The following VTI1A variants were observed in gnomAD, a reference collection of about 807,000 sequenced individuals.
VTI1A encodes vesicle transport through interaction with t-SNAREs 1A.
Under a neutral mutation model 34.9 loss-of-function variants are expected in VTI1A, and 22 were observed. The observed-to-expected ratio is 0.63, with a 90% CI of 0.45 to 0.90. VTI1A has a LOEUF of 0.90. Ranked by LOEUF, VTI1A falls within the 40% of genes least tolerant of loss-of-function variation. VTI1A has a pLI of 0.00. For synonymous variants in VTI1A, 87 were observed against 97.3 expected (o/e 0.89, Z 0.62); for missense variants, 268 against 275.6 (o/e 0.97, Z 0.20).
intron 5 of VTI1A, among the ~76,000 whole-genome samples, chr10:112,572,787 C>T (rs1445707446): frequency 6.6e-6 from 1 of 150,708 alleles, no homozygotes; most frequent in Middle Eastern, 3.4e-3. Context: ...TGCAGTGAGC[C>T]GAGATCGCGC....
intron 7 of VTI1A, among the ~76,000 whole-genome samples, chr10:112,753,708 T>A (rs1287083777): frequency 6.6e-6 from 1 of 152,112 alleles, no homozygotes; most frequent in Admixed American, 6.5e-5. Context: ...CCACCCAGAG[T>A]TGAAGTCGCC....
At chr10:112,495,687 G>A (rs549363176) in intron 3 of VTI1A, among the ~76,000 whole-genome samples, 22 of 152,188 alleles carry the variant, frequency 1.4e-4, no homozygotes, top group African/African-American at 4.3e-4. Context: ...CAATTTTGAC[G>A]TCAGCATATA....
intron 7 of VTI1A, among the ~76,000 whole-genome samples, chr10:112,680,767 TC>T (rs1489541000): frequency 6.6e-6 from 1 of 152,154 alleles, no homozygotes; most frequent in Non-Finnish European, 1.5e-5. Flanking sequence ...AGATAAGACT[TC>T]ACAGAGGAGA....
At chr10:112,849,962 G>C in the VTI1A span, among the ~76,000 whole-genome samples, 2 of 152,130 alleles carry the variant, frequency 1.3e-5, no homozygotes, top group African/African-American at 4.8e-5. Context: ...AAGGCGTCCC[G>C]GCCCTCACCC....
In VTI1A at chr10:112,544,790, G is replaced by A. The variant is rs369152701; in HGVS notation, c.427+6460G>A. On this transcript the variant is annotated intron_variant, in intron 5 of 7. Coordinates refer to ENST00000393077, the MANE Select transcript of VTI1A (RefSeq NM_145206.4). ...AGGGAAGAGCAAGCACAAAGGCTCT[G>A]GAATGAGAATGTGCTCAGGATGTTC... Among the ~76,000 whole-genome samples, 103 of 152,290 alleles carry A rather than the reference G, an allele frequency of 6.8e-4. 1 individual carries two copies. The South Asian group carries it at 0.017, about 26-fold the overall frequency.
At chr10:112,757,909 T>G (rs541266535) in intron 7 of VTI1A, among the ~76,000 whole-genome samples, 1 of 152,356 alleles carries the variant, frequency 6.6e-6, no homozygotes, top group South Asian at 2.1e-4. Context: ...CTTGACAGCA[T>G]GTGAACATTT....
At chr10:112,852,748 A>G in the VTI1A span, among the ~76,000 whole-genome samples, 3 of 152,122 alleles carry the variant, frequency 2.0e-5, no homozygotes, top group Non-Finnish European at 4.4e-5. Context: ...CAGTCTGGAT[A>G]GGACTGTCTT....
chr10:112,779,293 T>G (rs554783452), intron 7 of VTI1A, among the ~76,000 whole-genome samples: 1 of 152,208 alleles, frequency 6.6e-6, no homozygotes, highest in Non-Finnish European at 1.5e-5. Context: ...ATGTATTTAC[T>G]AGACGCTAAG....
intron 5 of VTI1A, among the ~76,000 whole-genome samples, chr10:112,539,522 C>T (rs1201540231): frequency 6.6e-6 from 1 of 152,076 alleles, no homozygotes; most frequent in East Asian, 1.9e-4. Context: ...GGCTTTCTGC[C>T]CGGATTGGAA....
At chr10:112,545,156 G>T (rs1345276636) in intron 5 of VTI1A, among the ~76,000 whole-genome samples, 2 of 152,138 alleles carry the variant, frequency 1.3e-5, no homozygotes, top group Non-Finnish European at 2.9e-5. Context: ...ATTATAAGCT[G>T]GCTTAAAAGG....
At chr10:112,834,739 C>G in the VTI1A span, among the ~76,000 whole-genome samples, 1 of 152,214 alleles carries the variant, frequency 6.6e-6, no homozygotes, top group Non-Finnish European at 1.5e-5. Flanking sequence ...GCTCCCCTGG[C>G]TCTCTGAGGC....
chr10:112,649,981 A>G (rs912561168), intron 5 of VTI1A, among the ~76,000 whole-genome samples: 1 of 152,260 alleles, frequency 6.6e-6, no homozygotes, highest in Non-Finnish European at 1.5e-5. Flanking sequence ...CGAGGATATC[A>G]GTGTACACTA....
At chr10:112,713,210 G>A (rs1201028137) in intron 7 of VTI1A, among the ~76,000 whole-genome samples, 2 of 152,058 alleles carry the variant, frequency 1.3e-5, no homozygotes, top group African/African-American at 4.8e-5. Flanking sequence ...GCATGCACCA[G>A]CCCAATGGAG....
At chr10:112,737,721 G>A (rs1462407233) in intron 7 of VTI1A, 1 of 1,058,582 alleles carries the variant, frequency 9.4e-7, no homozygotes, top group African/African-American at 1.6e-5. Context: ...CAGTGATCTG[G>A]AAAATTAAAG....
At chr10:112,699,080 C>T (rs973289162) in intron 7 of VTI1A, among the ~76,000 whole-genome samples, 1 of 152,218 alleles carries the variant, frequency 6.6e-6, no homozygotes, top group African/African-American at 2.4e-5. Flanking sequence ...CTGCCAAGCT[C>T]TAAAGTCTTA....
At chr10:112,521,568 T>C (rs995911739) in intron 3 of VTI1A, among the ~76,000 whole-genome samples, 4 of 152,000 alleles carry the variant, frequency 2.6e-5, no homozygotes, top group Admixed American at 2.0e-4. Flanking sequence ...ATAAATACTA[T>C]ACCATTATTT....
At chr10:112,689,752 T>G (rs1199445632) in intron 7 of VTI1A, among the ~76,000 whole-genome samples, 4 of 151,110 alleles carry the variant, frequency 2.6e-5, no homozygotes, top group African/African-American at 9.7e-5. Flanking sequence ...TCTGCACAGT[T>G]TTTTTTTTAA....
the VTI1A span, among the ~76,000 whole-genome samples, chr10:112,848,596 C>T: frequency 2.0e-5 from 3 of 152,208 alleles, no homozygotes; most frequent in African/African-American, 4.8e-5. Flanking sequence ...GGAAACCATA[C>T]GTTTTCTGTG....
At chr10:112,497,521 C>T (rs570679282) in intron 3 of VTI1A, among the ~76,000 whole-genome samples, 1 of 152,254 alleles carries the variant, frequency 6.6e-6, no homozygotes, top group South Asian at 2.1e-4. Flanking sequence ...TACACACACA[C>T]GTACTCACAG....
Sources: allele counts gnomAD v4.1 joint callset (sites outside exome capture counted in the v4.1 genomes callset), GRCh38; gene constraint gnomAD v4.1.1; transcripts MANE v1.5; gene names NCBI Gene and HGNC (gene_info 2026-07-23, HGNC 2026-07-21).